KIAA0513: variants seen among roughly 807,000 people sequenced by gnomAD.
KIAA0513 encodes uncharacterized protein KIAA0513.
KIAA0513 carries 39 observed loss-of-function variants against 56.5 expected under a neutral mutation model. The ratio of observed to expected loss-of-function variants is 0.69; its 90% CI spans 0.53 to 0.90. The LOEUF (loss-of-function observed/expected upper bound fraction) is 0.90, where lower values mean the gene tolerates loss of function less well. KIAA0513 is among the 40% of genes least tolerant of loss of function. KIAA0513 has a pLI of 0.00. For synonymous variants in KIAA0513, 268 were observed against 215.6 expected (o/e 1.24, Z -2.13); for missense variants, 591 against 535.2 (o/e 1.10, Z -1.03).
intron 1 of KIAA0513, 138 bp from the exon 2 acceptor site, chr16:85,066,762 C>T (rs902920215): frequency 2.7e-5 from 9 of 331,286 alleles, no homozygotes; most frequent in East Asian, 1.1e-4. Context: ...AACAGTAAAG[C>T]GGACAGTAGG....
chr16:85,047,587 G>T (rs1403573907), intron 1 of KIAA0513, among the ~76,000 whole-genome samples: 3 of 152,180 alleles, frequency 2.0e-5, no homozygotes, highest in Admixed American at 6.5e-5. Flanking sequence ...TCAGACACCT[G>T]CAGGCTGACC....
At chr16:85,082,627 C>T in intron 10 of KIAA0513, 34 bp downstream of exon 10, 6 of 1,612,296 alleles carry the variant, frequency 3.7e-6, no homozygotes, top group Non-Finnish European at 5.1e-6. Context: ...TTCCATTTTA[C>T]AGTGCGGGCT....
At chr16:85,073,332 A>G (rs921454197) in intron 4 of KIAA0513, among the ~76,000 whole-genome samples, 14 of 152,174 alleles carry the variant, frequency 9.2e-5, no homozygotes, top group Non-Finnish European at 1.5e-4. Context: ...CCGAGTTCCT[A>G]TTGTAGAGTA....
chr16:85,033,789 CTTTA>C (rs1451650756), intron 1 of KIAA0513, among the ~76,000 whole-genome samples: 3 of 152,168 alleles, frequency 2.0e-5, no homozygotes, highest in African/African-American at 4.8e-5. Context: ...ATATGCCCGT[CTTTA>C]TTTATTTTTG....
chr16:85,034,364 G>C (rs1190304800), intron 1 of KIAA0513, among the ~76,000 whole-genome samples: 2 of 152,160 alleles, frequency 1.3e-5, no homozygotes, highest in Admixed American at 6.6e-5. Context: ...TGGGCGACAA[G>C]AGGGAAGCTC....
intron 10 of KIAA0513, among the ~76,000 whole-genome samples, chr16:85,084,245 T>C (rs1394014047): frequency 2.7e-3 from 308 of 116,148 alleles, no homozygotes; most frequent in African/African-American, 9.1e-3. Context: ...TTTTCTTTTC[T>C]TTTTCTTTTT....
intron 1 of KIAA0513, among the ~76,000 whole-genome samples, chr16:85,048,093 A>G (rs930374628): frequency 2.6e-5 from 4 of 152,218 alleles, no homozygotes; most frequent in African/African-American, 9.6e-5. Context: ...ACAAACAGAA[A>G]TGAGGAAGTC....
At chr16:85,033,679 G>T (rs982142377) in intron 1 of KIAA0513, among the ~76,000 whole-genome samples, 1 of 152,086 alleles carries the variant, frequency 6.6e-6, no homozygotes, top group Non-Finnish European at 1.5e-5. Context: ...GGGCAGGGAT[G>T]GGGGAGGGTA....
chr16:85,027,896 A>T (rs2143809671), intron 1 of KIAA0513, 38 bp downstream of exon 1: 1 of 151,712 alleles, frequency 6.6e-6, no homozygotes, highest in Admixed American at 6.6e-5. Flanking sequence ...TGACAGGCTC[A>T]TGAGGGGAAG....
At position 85,076,217 on chromosome 16, in the gene KIAA0513, A is replaced by G. The variant is rs1476647117; in HGVS notation, c.574+303A>G. ...AGAAACAAGCTAGGCAGGACATTTC[A>G]TGGTGGAAACAGGAACTGCTGGACA... On this transcript the variant is annotated intron_variant, in intron 5 of 12. Coordinates refer to ENST00000683363, the MANE Select transcript of KIAA0513 (RefSeq NM_001388359.1). The surrounding 1 kb of genome is among the most constrained non-coding windows in gnomAD (Gnocchi z 4.7). Among the ~76,000 whole-genome samples, 2 of 152,226 alleles carry G rather than the reference A, an allele frequency of 1.3e-5. No homozygotes were observed. The highest frequency in any genetic ancestry group is 4.8e-5 in the African/African-American group (2 of 41,450).
At chr16:85,039,241 C>T (rs1260367622) in intron 1 of KIAA0513, among the ~76,000 whole-genome samples, 1 of 152,184 alleles carries the variant, frequency 6.6e-6, no homozygotes, top group Non-Finnish European at 1.5e-5. Context: ...TCGCAAGGTT[C>T]CTTGTAACCC....
chr16:85,030,908 T>C (rs2072955766), intron 1 of KIAA0513, among the ~76,000 whole-genome samples: 1 of 152,072 alleles, frequency 6.6e-6, no homozygotes, highest in South Asian at 2.1e-4. Context: ...TATAAAACAA[T>C]GGAAAGCCAA....
chr16:85,068,506 G>A (rs1422434608), intron 2 of KIAA0513, among the ~76,000 whole-genome samples: 1 of 151,926 alleles, frequency 6.6e-6, no homozygotes, highest in African/African-American at 2.4e-5. Flanking sequence ...CTAGTTTTTT[G>A]TATTTTTAGT....
intron 2 of KIAA0513, among the ~76,000 whole-genome samples, chr16:85,070,014 C>CACAAAAATT (rs1470186575): frequency 5.4e-5 from 8 of 149,428 alleles, no homozygotes; most frequent in Non-Finnish European, 8.9e-5. Flanking sequence ...AAAAAAAAAC[C>CACAAAAATT]ACAAAAATTA....
At chr16:85,054,690 A>G (rs1324471182) in intron 1 of KIAA0513, among the ~76,000 whole-genome samples, 1 of 151,606 alleles carries the variant, frequency 6.6e-6, no homozygotes, top group Non-Finnish European at 1.5e-5. Context: ...TCAGCCTCCC[A>G]CAGTTCTGGG....
At chr16:85,055,666 T>C (rs954769306) in intron 1 of KIAA0513, among the ~76,000 whole-genome samples, 14 of 152,298 alleles carry the variant, frequency 9.2e-5, no homozygotes, top group African/African-American at 3.1e-4. Context: ...AGACACCTAC[T>C]GACATGGATA....
At chr16:85,053,769 G>A (rs2073288235) in intron 1 of KIAA0513, among the ~76,000 whole-genome samples, 2 of 152,034 alleles carry the variant, frequency 1.3e-5, no homozygotes, top group South Asian at 2.1e-4. Context: ...GAGGAGGCGC[G>A]GATCACAAGG....
Position 85,088,394 on chromosome 16 carries a change from G to C in KIAA0513, c.*69G>C. The C allele has an allele frequency of 7.2e-7, 1 of 1,392,302 alleles. No individual in the cohort carries two copies. The highest frequency in any genetic ancestry group is 1.0e-6 in the Non-Finnish European group (1 of 993,270). The allele number at this position is 1,392,302 out of a possible 1,614,324, so 86.2% of individuals were successfully genotyped here. A position where few individuals can be genotyped will look rare whatever the true frequency, so the allele number is the denominator to read the frequency against. ...ATTCTCCCGGGCCCAGCGCCCGGCC[G>C]TCACCCCACCCGATGACCTGCATGA... On this transcript the variant is annotated 3_prime_UTR_variant, in exon 13 of 13. Transcript: ENST00000683363.
Position 85,067,318 on chromosome 16 carries a change from A to G in KIAA0513, c.247A>G (p.Ser83Gly). ...CAACGAGTCCTTCTCCTCCAACCAG[A>G]GCACCGAGTCTACCCAGGATGAAGA... Reference protein sequence around the residue: ...SSNESFSSNQSTESTQDEETL... With the variant: ...SSNESFSSNQGTESTQDEETL... Residue 83 changes from serine (S) to glycine (G), a missense_variant, in exon 2 of 13, where the codon AGC becomes GGC. By Grantham distance (56) the Ser-to-Gly change is moderately conservative (BLOSUM62 0). Coordinates refer to ENST00000683363, the MANE Select transcript of KIAA0513 (RefSeq NM_001388359.1). 1 of 1,611,498 alleles carries G rather than the reference A, an allele frequency of 6.2e-7. No individual in the cohort carries two copies. Among genetic ancestry groups the G allele is most frequent in the Non-Finnish European group, 8.5e-7 (1 of 1,179,634 alleles).
Sources: allele counts gnomAD v4.1 joint callset (sites outside exome capture counted in the v4.1 genomes callset), GRCh38; gene constraint gnomAD v4.1.1; non-coding constraint Gnocchi (gnomAD v3.1); transcripts MANE v1.5; gene names NCBI Gene and HGNC (gene_info 2026-07-23, HGNC 2026-07-21).